The following NELL2 variants were observed in gnomAD, a reference collection of about 807,000 sequenced individuals.
The protein encoded by NELL2 is protein kinase C-binding protein NELL2.
In NELL2, 41 loss-of-function variants were observed where a neutral mutation model predicts 109.6. The observed-to-expected ratio is 0.37, with a 90% CI of 0.29 to 0.49. The LOEUF (loss-of-function observed/expected upper bound fraction) is 0.49, where lower values mean the gene tolerates loss of function less well. Among genes scored for constraint, NELL2 ranks in the 20% least tolerant of loss-of-function variants. The pLI is 0.98. For missense variants in NELL2, 900 were observed against 1,008.3 expected (o/e 0.89, Z 1.45); for synonymous variants, 355 against 344.7 (o/e 1.03, Z -0.33).
At chr12:44,730,837 G>T (rs575429124) in intron 9 of NELL2, among the ~76,000 whole-genome samples, 1 of 151,778 alleles carries the variant, frequency 6.6e-6, no homozygotes, top group Non-Finnish European at 1.5e-5. Flanking sequence ...CTAACATAAG[G>T]GTTGTTTTTT....
chr12:44,887,656 G>GTGTGTGTGTGTGTGT (rs1360697607), intron 1 of NELL2, among the ~76,000 whole-genome samples: 6 of 150,532 alleles, frequency 4.0e-5, no homozygotes, highest in African/African-American at 1.5e-4. Context: ...GTGTGTGTGT[G>GTGTGTGTGTGTGTGT]TGTTGTTGTT....
upstream of NELL2, among the ~76,000 whole-genome samples, chr12:44,878,637 G>A (rs1592699216): frequency 1.3e-5 from 2 of 151,994 alleles, no homozygotes; most frequent in Admixed American, 1.3e-4. Flanking sequence ...GGTATTCTAG[G>A]GAATACAATA....
chr12:44,686,150 T>C (rs1948708408), intron 12 of NELL2, among the ~76,000 whole-genome samples: 1 of 152,226 alleles, frequency 6.6e-6, no homozygotes, highest in Non-Finnish European at 1.5e-5. Flanking sequence ...CCCTTCTCGC[T>C]TCATTTCATT....
chr12:44,793,628 C>G (rs1385108441), intron 3 of NELL2, among the ~76,000 whole-genome samples: 3 of 152,096 alleles, frequency 2.0e-5, no homozygotes, highest in Non-Finnish European at 4.4e-5. Flanking sequence ...ATTACTTCAG[C>G]AAAAGTTAAA....
chr12:44,534,071 C>T (rs549568231), intron 15 of NELL2, among the ~76,000 whole-genome samples: 20 of 152,180 alleles, frequency 1.3e-4, no homozygotes, highest in African/African-American at 4.6e-4. Flanking sequence ...CTTCAGTTGA[C>T]AGAATCTACT....
intron 3 of NELL2, among the ~76,000 whole-genome samples, chr12:44,814,596 A>T (rs138557180): frequency 1.4e-4 from 21 of 152,306 alleles, no homozygotes; most frequent in African/African-American, 2.9e-4. Context: ...CCCAGTTACC[A>T]GGTGAGTGTT....
At chr12:44,624,592 T>C (rs1160448760) in intron 13 of NELL2, among the ~76,000 whole-genome samples, 12 of 152,102 alleles carry the variant, frequency 7.9e-5, no homozygotes, top group Non-Finnish European at 1.5e-4. Flanking sequence ...ACATGTTCCA[T>C]ATATCTTCCC....
Position 44,520,115 on chromosome 12 carries a change from T to C in NELL2, c.2290A>G (p.Thr764Ala), listed in dbSNP as rs1285533093. 1.4e-5 allele frequency: 22 copies of C among 1,614,142 alleles called. No homozygotes were observed. The highest frequency in any genetic ancestry group is 1.9e-5 in the Non-Finnish European group (22 of 1,180,042). Residue 764 changes from threonine to alanine, a missense_variant, in exon 19 of 20, where the codon ACC (threonine) becomes GCC (alanine). Thr to Ala is a moderately conservative substitution (Grantham distance 58). Around this residue, in one of 4 missense-constraint regions of NELL2, gnomAD observed 333 missense variants for 432.3 expected, o/e 0.77. Coordinates refer to ENST00000429094, the MANE Select transcript of NELL2 (RefSeq NM_001145108.2). The stretch of plus-strand genomic sequence containing the variant: ...GTCTTGGTGATGTCATTGCGGATGG[T>C]GTCAGCCTGGCAAGGGTCTGTGACA... ...RCVTDPCQAD[T>A]IRNDITKTCL...
At position 44,665,869 on chromosome 12, in the gene NELL2, C is replaced by T. The variant is rs113792067; in HGVS notation, c.1319-260G>A. Among the ~76,000 whole-genome samples, 97 of 152,198 alleles carry T rather than the reference C, an allele frequency of 6.4e-4. 1 individual carries two copies. Among genetic ancestry groups the T allele is most frequent in the African/African-American group, 1.8e-3 (73 of 41,532 alleles). ...TCTAAATATCTTTTGAAATTTTCAG[C>T]GCATTCATCTGCCTATGCTTGATAA... On this transcript the variant is annotated intron_variant, in intron 12 of 19. Transcript: ENST00000429094.
At chr12:44,894,087 T>G (rs1476632441) in intron 1 of NELL2, among the ~76,000 whole-genome samples, 2 of 152,184 alleles carry the variant, frequency 1.3e-5, no homozygotes, top group African/African-American at 4.8e-5. Flanking sequence ...AAGTTTGTAT[T>G]TAGGAGATTA....
chr12:44,838,578 T>C (rs527670730), intron 2 of NELL2, among the ~76,000 whole-genome samples: 2 of 152,138 alleles, frequency 1.3e-5, no homozygotes, highest in Non-Finnish European at 2.9e-5. Context: ...GACTAATATA[T>C]ATAAACCACC....
intron 15 of NELL2, among the ~76,000 whole-genome samples, chr12:44,583,384 C>G (rs1025045847): frequency 4.6e-5 from 7 of 152,126 alleles, no homozygotes; most frequent in Non-Finnish European, 1.0e-4. Context: ...ATGGATGTTG[C>G]CTGGACACCA....
At chr12:44,789,235 C>A (rs930060424) in intron 3 of NELL2, among the ~76,000 whole-genome samples, 9 of 152,298 alleles carry the variant, frequency 5.9e-5, no homozygotes, top group African/African-American at 2.2e-4. Flanking sequence ...CTCACTGCCA[C>A]CTCCACCAGA....
At chr12:44,540,799 G>A (rs865853465) in intron 15 of NELL2, among the ~76,000 whole-genome samples, 1,682 of 20,044 alleles carry the variant, frequency 0.084, 13 homozygotes, top group East Asian at 0.21. Context: ...AAAAAAAAAA[G>A]CCCATCCTCA....
At chr12:44,701,566 T>A (rs1404664902) in intron 12 of NELL2, among the ~76,000 whole-genome samples, 2 of 152,126 alleles carry the variant, frequency 1.3e-5, no homozygotes, top group Non-Finnish European at 1.5e-5. Context: ...CTTTCCTGTC[T>A]CAATGCCATC....
At chr12:44,837,199 C>T (rs919431007) in intron 2 of NELL2, among the ~76,000 whole-genome samples, 2 of 152,146 alleles carry the variant, frequency 1.3e-5, no homozygotes, top group African/African-American at 4.8e-5. Context: ...TATTAGTGTC[C>T]TTATTTTGCA....
Position 44,783,786 on chromosome 12 carries a change from G to A in NELL2, c.336-3764C>T, listed in dbSNP as rs529681312. 1.3e-3 allele frequency among the ~76,000 whole-genome samples: 195 copies of A among 151,964 alleles called. 1 individual carries two copies. Among genetic ancestry groups the A allele is most frequent in the African/African-American group, 4.6e-3 (192 of 41,496 alleles). ...TATGAATTCTACACAATCGCTTCCA[G>A]AAAGTAACAGAGAGAAAAACTACTA... On this transcript the variant is annotated intron_variant, in intron 3 of 19. Transcript: ENST00000429094.
chr12:44,801,077 C>A (rs1222568693), intron 3 of NELL2, among the ~76,000 whole-genome samples: 1 of 152,094 alleles, frequency 6.6e-6, no homozygotes, highest in Non-Finnish European at 1.5e-5. Context: ...CAGAACATCC[C>A]TAACTAGAGG....
intron 15 of NELL2, among the ~76,000 whole-genome samples, chr12:44,558,095 G>A (rs531299256): frequency 7.2e-5 from 11 of 152,270 alleles, no homozygotes; most frequent in South Asian, 2.1e-4. Flanking sequence ...AGAGGGCTAC[G>A]TTGGTATTTT....
Sources: allele counts gnomAD v4.1 joint callset (sites outside exome capture counted in the v4.1 genomes callset), GRCh38; gene constraint gnomAD v4.1.1; regional missense constraint gnomAD v4.1.1; transcripts MANE v1.5; gene names NCBI Gene and HGNC (gene_info 2026-07-23, HGNC 2026-07-21).